Variants in GRID2 observed in about 807,000 individuals in gnomAD.
The protein encoded by GRID2 is glutamate ionotropic receptor delta type subunit 2.
A neutral mutation model predicts 114.8 loss-of-function variants in GRID2; 33 were observed. The observed-to-expected ratio is 0.29, with a 90% CI of 0.22 to 0.38. GRID2 has a LOEUF of 0.38. Ranked by LOEUF, GRID2 falls within the 10% of genes least tolerant of loss-of-function variation. The pLI is 1.00. For synonymous variants in GRID2, 505 were observed against 449.9 expected (o/e 1.12, Z -1.55); for missense variants, 1,184 against 1,257.7 (o/e 0.94, Z 0.89).
At chr4:93,019,505 A>C (rs765516661) in intron 2 of GRID2, among the ~76,000 whole-genome samples, 3 of 152,138 alleles carry the variant, frequency 2.0e-5, no homozygotes, top group Non-Finnish European at 4.4e-5. Flanking sequence ...ATGATCAAAA[A>C]TGATCTACAT....
intron 2 of GRID2, among the ~76,000 whole-genome samples, chr4:92,681,635 A>G (rs1382804520): frequency 1.3e-5 from 2 of 152,186 alleles, no homozygotes; most frequent in African/African-American, 4.8e-5. Context: ...GCACATGTAT[A>G]CATATGTAAC....
intron 4 of GRID2, among the ~76,000 whole-genome samples, chr4:93,171,381 T>C (rs1738807614): frequency 6.6e-6 from 1 of 152,206 alleles, no homozygotes; most frequent in Non-Finnish European, 1.5e-5. Context: ...TCAATGAGGC[T>C]TTTTCTGACT....
At chr4:93,014,116 AGAAATAT>A (rs1252137344) in intron 2 of GRID2, among the ~76,000 whole-genome samples, 1 of 152,106 alleles carries the variant, frequency 6.6e-6, no homozygotes. Context: ...AAAGGCTTAT[AGAAATAT>A]GGGTGTTCTA....
intron 2 of GRID2, among the ~76,000 whole-genome samples, chr4:92,968,127 G>C (rs932502245): frequency 1.3e-5 from 2 of 151,830 alleles, no homozygotes; most frequent in East Asian, 1.9e-4. Context: ...CAACATAGAA[G>C]CAGAGCTAAG....
chr4:93,076,562 G>T (rs1303439187), intron 2 of GRID2, among the ~76,000 whole-genome samples: 1 of 148,532 alleles, frequency 6.7e-6, no homozygotes, highest in African/African-American at 2.5e-5. Flanking sequence ...GGATATTGAT[G>T]CAGTATTACT....
intron 2 of GRID2, among the ~76,000 whole-genome samples, chr4:92,663,506 T>C (rs1334899170): frequency 9.9e-5 from 15 of 151,254 alleles, no homozygotes; most frequent in Admixed American, 7.3e-4. Flanking sequence ...ATTACTAAAA[T>C]TAGTTGTCTA....
intron 1 of GRID2, among the ~76,000 whole-genome samples, chr4:92,357,435 T>G (rs1344993651): frequency 6.6e-6 from 1 of 151,902 alleles, no homozygotes; most frequent in Non-Finnish European, 1.5e-5. Context: ...AAATCTGCTC[T>G]CTTAGCTTTC....
At chr4:93,428,885 T>G (rs1311034071) in intron 10 of GRID2, among the ~76,000 whole-genome samples, 1 of 152,168 alleles carries the variant, frequency 6.6e-6, no homozygotes, top group Non-Finnish European at 1.5e-5. Context: ...AATTTAATAT[T>G]GTGGGTTGAT....
intron 2 of GRID2, among the ~76,000 whole-genome samples, chr4:92,862,940 A>G (rs1214406702): frequency 6.6e-6 from 1 of 152,070 alleles, no homozygotes; most frequent in African/African-American, 2.4e-5. Context: ...AATGCACAAC[A>G]ACTTTTAGAA....
chr4:92,916,607 G>A (rs1040710382), intron 2 of GRID2, among the ~76,000 whole-genome samples: 2 of 151,902 alleles, frequency 1.3e-5, no homozygotes, highest in African/African-American at 4.8e-5. Context: ...GAGAACATGT[G>A]GTGTTTGGTT....
At chr4:93,766,765 G>T (rs1309672699) in intron 14 of GRID2, among the ~76,000 whole-genome samples, 1 of 152,098 alleles carries the variant, frequency 6.6e-6, no homozygotes, top group Non-Finnish European at 1.5e-5. Context: ...CTTTAGGTGG[G>T]CAAATACATA....
At chr4:93,801,815 G>T (rs1378792131) in intron 1 of GRID2, among the ~76,000 whole-genome samples, 1 of 152,088 alleles carries the variant, frequency 6.6e-6, no homozygotes, top group Non-Finnish European at 1.5e-5. Flanking sequence ...TAATTATGGG[G>T]GAAATTTGGT....
chr4:93,194,995 T>C (rs1169346785), intron 4 of GRID2, among the ~76,000 whole-genome samples: 1 of 152,150 alleles, frequency 6.6e-6, no homozygotes, highest in East Asian at 1.9e-4. Flanking sequence ...GGCTTAAGGG[T>C]ATATTACAAG....
chr4:92,390,330 G>A (rs964530353), intron 1 of GRID2, among the ~76,000 whole-genome samples: 3 of 152,082 alleles, frequency 2.0e-5, no homozygotes. Context: ...AGATCATTCA[G>A]CAAATAAGTG....
intron 13 of GRID2, among the ~76,000 whole-genome samples, chr4:93,584,197 G>T (rs1400058683): frequency 6.6e-6 from 1 of 152,228 alleles, no homozygotes; most frequent in African/African-American, 2.4e-5. Flanking sequence ...ATTTTAAATA[G>T]AAGGGCTATC....
At chr4:93,332,754 C>T (rs186518067) in intron 8 of GRID2, among the ~76,000 whole-genome samples, 3 of 152,196 alleles carry the variant, frequency 2.0e-5, no homozygotes, top group African/African-American at 7.2e-5. Context: ...TGCCTCTCTA[C>T]GTTACCCAGA....
intron 2 of GRID2, among the ~76,000 whole-genome samples, chr4:92,804,185 T>C (rs547892154): frequency 6.6e-6 from 1 of 152,082 alleles, no homozygotes; most frequent in Non-Finnish European, 1.5e-5. Flanking sequence ...TCTTCCAAGA[T>C]CTTCTTTGCA....
chr4:93,160,511 G>C (rs1414068366), intron 4 of GRID2, among the ~76,000 whole-genome samples: 1 of 151,704 alleles, frequency 6.6e-6, no homozygotes, highest in Non-Finnish European at 1.5e-5. Flanking sequence ...TGTTTTCAGT[G>C]AAATTGGTGT....
chr4:93,091,314 G>C (rs1157976415), intron 3 of GRID2, among the ~76,000 whole-genome samples: 1 of 152,092 alleles, frequency 6.6e-6, no homozygotes, highest in Non-Finnish European at 1.5e-5. Context: ...GATGCATCCT[G>C]TGCTATTTTC....
Sources: allele counts gnomAD v4.1 joint callset (sites outside exome capture counted in the v4.1 genomes callset), GRCh38; gene constraint gnomAD v4.1.1; transcripts MANE v1.5; gene names NCBI Gene and HGNC (gene_info 2026-07-23, HGNC 2026-07-21).